The following BMPR1B variants were observed in gnomAD, a reference collection of about 807,000 sequenced individuals.
The protein encoded by BMPR1B is bone morphogenetic protein receptor type 1B.
A neutral mutation model predicts 59.1 loss-of-function variants in BMPR1B; 12 were observed. The ratio of observed to expected loss-of-function variants is 0.20; its 90% CI spans 0.13 to 0.33. The LOEUF is 0.33. BMPR1B is among the 10% of genes least tolerant of loss of function. BMPR1B has a pLI of 1.00. For synonymous variants in BMPR1B, 237 were observed against 207.3 expected, an observed-to-expected ratio of 1.14 and a Z score of -1.23; for missense variants, 550 against 610.9, an observed-to-expected ratio of 0.90 and a Z score of 1.05.
chr4:95,114,673 C>T (rs765575434), intron 4 of BMPR1B, 47 bp from the exon 5 acceptor site: 1 of 1,424,364 alleles, frequency 7.0e-7, no homozygotes, highest in Non-Finnish European at 9.9e-7. Flanking sequence ...CACACACTGA[C>T]TCACACACAC....
At chr4:94,932,326 G>A (rs1394250453) in intron 2 of BMPR1B, among the ~76,000 whole-genome samples, 3 of 152,100 alleles carry the variant, frequency 2.0e-5, no homozygotes, top group South Asian at 2.1e-4. Context: ...ATATAAAAAG[G>A]TATCTGTAAG....
intron 3 of BMPR1B, among the ~76,000 whole-genome samples, chr4:95,042,724 A>G (rs921785235): frequency 6.6e-6 from 1 of 152,190 alleles, no homozygotes; most frequent in Non-Finnish European, 1.5e-5. Flanking sequence ...CCTAGCTGTC[A>G]TCATTCTATG....
At chr4:94,961,919 T>A (rs917020189) in intron 2 of BMPR1B, among the ~76,000 whole-genome samples, 1 of 152,190 alleles carries the variant, frequency 6.6e-6, no homozygotes, top group Non-Finnish European at 1.5e-5. Flanking sequence ...ACCTTAAACA[T>A]TGATCATTTC....
At chr4:94,936,333 G>A (rs928401502) in intron 2 of BMPR1B, among the ~76,000 whole-genome samples, 1 of 152,204 alleles carries the variant, frequency 6.6e-6, no homozygotes, top group African/African-American at 2.4e-5. Context: ...ACAGACAGGA[G>A]CAACTAGAGA....
At chr4:94,936,089 C>T (rs577785364) in intron 2 of BMPR1B, among the ~76,000 whole-genome samples, 1 of 152,162 alleles carries the variant, frequency 6.6e-6, no homozygotes, top group South Asian at 2.1e-4. Flanking sequence ...GAAAAGAGTG[C>T]TTCTATTGGA....
At chr4:95,078,982 C>T (rs183582650) in intron 3 of BMPR1B, among the ~76,000 whole-genome samples, 2 of 152,206 alleles carry the variant, frequency 1.3e-5, no homozygotes, top group Non-Finnish European at 2.9e-5. Flanking sequence ...TGGTCTAGAG[C>T]CCCTGAACTC....
intron 3 of BMPR1B, among the ~76,000 whole-genome samples, chr4:95,041,193 T>G (rs956515425): frequency 2.0e-5 from 3 of 152,112 alleles, no homozygotes; most frequent in Non-Finnish European, 4.4e-5. Flanking sequence ...AATACAGTCG[T>G]GCACCACCAC....
chr4:94,999,635 A>G (rs1432826876), intron 3 of BMPR1B, among the ~76,000 whole-genome samples: 1 of 152,190 alleles, frequency 6.6e-6, no homozygotes, highest in African/African-American at 2.4e-5. Flanking sequence ...GCTGTGGTAA[A>G]TTAAGTGATG....
chr4:94,904,182 T>C (rs1727942208), intron 2 of BMPR1B, among the ~76,000 whole-genome samples: 1 of 152,026 alleles, frequency 6.6e-6, no homozygotes, highest in South Asian at 2.1e-4. Context: ...ACACATCATA[T>C]CATTAGATAG....
intron 2 of BMPR1B, among the ~76,000 whole-genome samples, chr4:94,930,537 A>G (rs1729058986): frequency 6.6e-6 from 1 of 152,150 alleles, no homozygotes; most frequent in Non-Finnish European, 1.5e-5. Context: ...ATACTTAACT[A>G]CTAATAAGGA....
At chr4:94,774,542 AC>A (rs1196881393) in intron 1 of BMPR1B, among the ~76,000 whole-genome samples, 5 of 152,064 alleles carry the variant, frequency 3.3e-5, no homozygotes, top group Admixed American at 3.3e-4. Context: ...TAACCTTTAT[AC>A]CCAACATGTA....
intron 1 of BMPR1B, among the ~76,000 whole-genome samples, chr4:94,762,996 A>G (rs1436917191): frequency 6.6e-6 from 1 of 151,698 alleles, no homozygotes; most frequent in African/African-American, 2.4e-5. Flanking sequence ...CCACTTCTTT[A>G]CTTCACCTCA....
intron 1 of BMPR1B, among the ~76,000 whole-genome samples, chr4:94,859,399 A>T (rs1429927343): frequency 6.6e-6 from 1 of 152,130 alleles, no homozygotes; most frequent in Non-Finnish European, 1.5e-5. Context: ...AGCACGCAAT[A>T]CCCTTCCCAC....
intron 1 of BMPR1B, among the ~76,000 whole-genome samples, chr4:94,760,043 A>T (rs993141531): frequency 2.0e-5 from 3 of 152,202 alleles, no homozygotes; most frequent in African/African-American, 7.2e-5. Flanking sequence ...TTTTAGTTAC[A>T]TGATATAAGT....
chr4:94,770,182 G>GGTTTTT (rs1722124953), intron 1 of BMPR1B, among the ~76,000 whole-genome samples: 1 of 40,008 alleles, frequency 2.5e-5, no homozygotes, highest in Non-Finnish European at 4.9e-5. Flanking sequence ...TCGTTTCTGT[G>GGTTTTT]TTTGTTTTTT....
chr4:95,075,407 T>A (rs1728628050), intron 3 of BMPR1B, among the ~76,000 whole-genome samples: 1 of 152,206 alleles, frequency 6.6e-6, no homozygotes, highest in South Asian at 2.1e-4. Context: ...ATAGCGGTAC[T>A]TTATTTTCAC....
At chr4:94,980,775 A>G (rs1253796761) in intron 2 of BMPR1B, among the ~76,000 whole-genome samples, 1 of 152,180 alleles carries the variant, frequency 6.6e-6, no homozygotes, top group Non-Finnish European at 1.5e-5. Context: ...TGTCAAATCA[A>G]AGTTTGTAAC....
intron 2 of BMPR1B, among the ~76,000 whole-genome samples, chr4:94,893,835 C>G (rs969184707): frequency 2.0e-5 from 3 of 151,990 alleles, no homozygotes; most frequent in Non-Finnish European, 4.4e-5. Context: ...TGCTGCGTGG[C>G]AGTGTTTGAA....
intron 1 of BMPR1B, among the ~76,000 whole-genome samples, chr4:94,873,403 A>G (rs1042909896): frequency 4.1e-5 from 6 of 145,732 alleles, no homozygotes; most frequent in African/African-American, 1.3e-4. Flanking sequence ...CTTCAAGGCT[A>G]TGAATTCTTT....
Sources: allele counts gnomAD v4.1 joint callset (sites outside exome capture counted in the v4.1 genomes callset), GRCh38; gene constraint gnomAD v4.1.1; transcripts MANE v1.5; gene names NCBI Gene and HGNC (gene_info 2026-07-23, HGNC 2026-07-21).